The following ACBD6 variants were observed in gnomAD, a reference collection of about 807,000 sequenced individuals.
ACBD6 encodes acyl-CoA-binding domain-containing protein 6.
A neutral mutation model predicts 37.2 loss-of-function variants in ACBD6; 28 were observed. That is an observed-to-expected ratio of 0.75 (90% CI 0.56 to 1.03). The LOEUF (loss-of-function observed/expected upper bound fraction) is 1.03, where lower values mean the gene tolerates loss of function less well. Ranked by LOEUF, ACBD6 falls within the 50% of genes least tolerant of loss-of-function variation. The pLI, the probability that ACBD6 is intolerant of heterozygous loss-of-function variation, is 0.00. For synonymous variants in ACBD6, 113 were observed against 126.8 expected (o/e 0.89, Z 0.73); for missense variants, 340 against 337.4 (o/e 1.01, Z -0.06).
intron 6 of ACBD6, among the ~76,000 whole-genome samples, chr1:180,365,506 T>C (rs1313509214): frequency 3.3e-5 from 5 of 152,218 alleles, no homozygotes; most frequent in African/African-American, 9.6e-5. Flanking sequence ...CTCTGGAGTC[T>C]TCAAATTTAT....
At chr1:180,271,678 A>G in exon 14 of ACBD6, 1 of 1,307,930 alleles carries the variant, frequency 7.6e-7, no homozygotes, top group Non-Finnish European at 1.1e-6. Flanking sequence ...CAGAGTTCTG[A>G]GGCCCACCTG....
intron 3 of ACBD6, among the ~76,000 whole-genome samples, chr1:180,474,546 T>C (rs2102061926): frequency 6.6e-6 from 1 of 152,312 alleles, no homozygotes; most frequent in African/African-American, 2.4e-5. Context: ...ATTTTGCTTT[T>C]GGACATTCTG....
At chr1:180,494,566 C>A (rs575829583) in intron 2 of ACBD6, among the ~76,000 whole-genome samples, 2 of 152,184 alleles carry the variant, frequency 1.3e-5, no homozygotes, top group Non-Finnish European at 2.9e-5. Flanking sequence ...TATCTCCTAA[C>A]AGTTGGGTAA....
At chr1:180,413,605 C>A in intron 4 of ACBD6, 134 bp from the exon 5 acceptor site, 2 of 652,472 alleles carry the variant, frequency 3.1e-6, no homozygotes, top group Non-Finnish European at 5.4e-6. Flanking sequence ...TGAACAGTAA[C>A]AGTTTTTCAG....
intron 3 of ACBD6, among the ~76,000 whole-genome samples, chr1:180,472,336 A>T (rs1454103166): frequency 6.6e-6 from 1 of 152,232 alleles, no homozygotes; most frequent in African/African-American, 2.4e-5. Context: ...GGTAAACAAG[A>T]ATGGCTCAGA....
intron 3 of ACBD6, among the ~76,000 whole-genome samples, chr1:180,470,641 C>G (rs1487035652): frequency 6.6e-6 from 1 of 152,126 alleles, no homozygotes. Context: ...CTCAAGCCTC[C>G]CATGATTCTA....
At chr1:180,269,700 A>C (rs1648514409) in exon 14 of ACBD6, 1 of 152,268 alleles carries the variant, frequency 6.6e-6, no homozygotes, top group Non-Finnish European at 1.5e-5. Context: ...AAGATTGTAC[A>C]CAAGTGCACT....
rs1239676657 is a variant in ACBD6, at chr1:180,484,592, T to C, written c.384+7677A>G. Reference sequence around the variant, plus strand: ...TACAGGTATGAATATAAACTTATGGTTTTTAGTATACAAGTAGATAAATAT... The same window carrying C: ...TACAGGTATGAATATAAACTTATGGCTTTTAGTATACAAGTAGATAAATAT... On this transcript the variant is annotated intron_variant, in intron 3 of 7. Transcript: ENST00000367595. 2.0e-5 allele frequency among the ~76,000 whole-genome samples: 3 copies of C among 152,106 alleles called. No homozygotes were observed. In the East Asian group the frequency reaches 5.8e-4, roughly 29 times the overall value.
chr1:180,342,541 C>CT lies in ACBD6; in HGVS notation c.664-27820dup, dbSNP rs1431675191. On this transcript the variant is annotated intron_variant, in intron 6 of 7. Coordinates refer to ENST00000367595, the MANE Select transcript of ACBD6 (RefSeq NM_032360.4). ...AATTATTTGGAATGATTATGACTCACTAATATAAAGTCTGTTCAGCTTTAA... is the reference window on the plus strand; with the variant it reads ...AATTATTTGGAATGATTATGACTCACTTAATATAAAGTCTGTTCAGCTTTAA... 1.1e-4 allele frequency among the ~76,000 whole-genome samples: 16 copies of CT among 152,134 alleles called. No individual in the cohort carries two copies. The East Asian group carries it at 3.1e-3, about 29-fold the overall frequency.
chr1:180,410,153 G>C (rs1238372826), intron 5 of ACBD6, among the ~76,000 whole-genome samples: 2 of 152,240 alleles, frequency 1.3e-5, no homozygotes, highest in Non-Finnish European at 2.9e-5. Context: ...AGAAAGGTAA[G>C]GGGGCTGCAG....
At chr1:180,303,284 A>G in intron 7 of ACBD6, among the ~76,000 whole-genome samples, 1 of 150,752 alleles carries the variant, frequency 6.6e-6, no homozygotes, top group Middle Eastern at 3.4e-3. Flanking sequence ...ATAGAGACAC[A>G]AAAAACCCTT....
chr1:180,388,326 G>C (rs1653925067), intron 6 of ACBD6, among the ~76,000 whole-genome samples: 1 of 152,042 alleles, frequency 6.6e-6, no homozygotes, highest in African/African-American at 2.4e-5. Flanking sequence ...TTTTAAATCT[G>C]AACTGAATAG....
chr1:180,418,250 T>C (rs536472397), intron 4 of ACBD6, among the ~76,000 whole-genome samples: 4 of 152,286 alleles, frequency 2.6e-5, no homozygotes. Flanking sequence ...AAAGAATCTA[T>C]TCTTACTCAA....
intron 3 of ACBD6, among the ~76,000 whole-genome samples, chr1:180,436,132 A>T (rs1649025631): frequency 6.6e-6 from 1 of 152,152 alleles, no homozygotes; most frequent in Non-Finnish European, 1.5e-5. Flanking sequence ...ATTTCCAAAA[A>T]AGGTCCTTTC....
At chr1:180,453,776 A>G (rs371209370) in intron 3 of ACBD6, among the ~76,000 whole-genome samples, 4 of 152,240 alleles carry the variant, frequency 2.6e-5, no homozygotes, top group African/African-American at 9.6e-5. Context: ...GAGCCAAATC[A>G]TGAGTGAAAT....
chr1:180,356,300 T>C (rs970039391), intron 6 of ACBD6, among the ~76,000 whole-genome samples: 2 of 152,058 alleles, frequency 1.3e-5, no homozygotes, highest in African/African-American at 4.8e-5. Context: ...GCCTTCCAAG[T>C]AGCTGAAACT....
intron 6 of ACBD6, among the ~76,000 whole-genome samples, chr1:180,358,301 C>A (rs1167693059): frequency 6.6e-6 from 1 of 152,144 alleles, no homozygotes. Flanking sequence ...GTGGCGCATG[C>A]CTGTAATCCC....
chr1:180,394,137 AG>A (rs1447051354), intron 6 of ACBD6, among the ~76,000 whole-genome samples: 2 of 152,178 alleles, frequency 1.3e-5, no homozygotes, highest in Non-Finnish European at 2.9e-5. Flanking sequence ...TCTGTCACCC[AG>A]GATGGAATGC....
intron 3 of ACBD6, among the ~76,000 whole-genome samples, chr1:180,445,795 T>C (rs1031872774): frequency 2.6e-5 from 4 of 152,036 alleles, no homozygotes; most frequent in Non-Finnish European, 2.9e-5. Flanking sequence ...GAAATATAAG[T>C]AAATATTTAT....
Sources: allele counts gnomAD v4.1 joint callset (sites outside exome capture counted in the v4.1 genomes callset), GRCh38; gene constraint gnomAD v4.1.1; transcripts MANE v1.5; gene names NCBI Gene and HGNC (gene_info 2026-07-23, HGNC 2026-07-21).